Variants in GREM2 observed in about 807,000 individuals in gnomAD.
The protein encoded by GREM2 is gremlin 2, DAN family BMP antagonist, also known as gremlin-2.
Under a neutral mutation model 14.2 loss-of-function variants are expected in GREM2, and 11 were observed. The ratio of observed to expected loss-of-function variants is 0.78; its 90% CI spans 0.49 to 1.28. The LOEUF is 1.28. Among genes scored for constraint, GREM2 ranks in the 50% most tolerant of loss-of-function variants. The probability of loss-of-function intolerance (pLI) is 0.00; values close to 1 mark genes in which losing one functional copy is unlikely to be tolerated. For missense variants in GREM2, 210 were observed against 218.5 expected, an observed-to-expected ratio of 0.96 and a Z score of 0.24; for synonymous variants, 98 against 97.6, an observed-to-expected ratio of 1.00 and a Z score of -0.02.
chr1:240,519,011 T>G (rs1003619344), intron 1 of GREM2, among the ~76,000 whole-genome samples: 2 of 152,150 alleles, frequency 1.3e-5, no homozygotes, highest in African/African-American at 4.8e-5. Context: ...ACTGATTCAT[T>G]ACACACACAC....
chr1:240,514,502 CT>C (rs1456443621), intron 1 of GREM2, among the ~76,000 whole-genome samples: 1 of 152,034 alleles, frequency 6.6e-6, no homozygotes, highest in Non-Finnish European at 1.5e-5. Context: ...AAGAACAATG[CT>C]TAAAGTTAGG....
chr1:240,610,885 C>A (rs1236687902), intron 1 of GREM2, among the ~76,000 whole-genome samples: 1 of 152,166 alleles, frequency 6.6e-6, no homozygotes. Flanking sequence ...CAAAGCAAGA[C>A]CAATTTTTTA....
At chr1:240,605,599 ACT>A (rs1240620806) in intron 1 of GREM2, among the ~76,000 whole-genome samples, 4 of 151,772 alleles carry the variant, frequency 2.6e-5, no homozygotes, top group Non-Finnish European at 5.9e-5. Flanking sequence ...CCCCTTAAAA[ACT>A]CTCCTGCATC....
chr1:240,493,277 A>G lies in GREM2; in HGVS notation c.199T>C (p.Tyr67His), dbSNP rs1274483329. The part of the protein sequence containing the change: ...QEALVVTERK[Y>H]LKSDWCKTQP... ...GTCTTGCACCAGTCACTCTTGAGGT[A>G]CTTGCGCTCGGTGACCACCAGGGCC... The change falls in exon 2 of 2, where the codon TAC becomes CAC. Residue 67 changes from tyrosine (Y) to histidine (H), a missense_variant. Coordinates refer to ENST00000318160, the MANE Select transcript of GREM2 (RefSeq NM_022469.4). 6.2e-7 allele frequency: 1 copy of G among 1,613,922 alleles called. No homozygotes were observed.
rs1678361543 is a variant in GREM2 at position 240,531,627 on chromosome 1, C to T, written c.-1-38151G>A. ...GTTATGTGGCGAGGCCACTGCTCTGCCCATTACCTGCAAGGCGTCTGCCTG... is the reference window on the plus strand; with the variant it reads ...GTTATGTGGCGAGGCCACTGCTCTGTCCATTACCTGCAAGGCGTCTGCCTG... On this transcript the variant is annotated intron_variant, in intron 1 of 1. Coordinates refer to ENST00000318160, the MANE Select transcript of GREM2 (RefSeq NM_022469.4). 3 of 984,888 alleles carry T rather than the reference C, an allele frequency of 3.0e-6. No homozygotes were observed. The South Asian group carries it at 1.4e-4, about 46-fold the overall frequency. The allele number at this position is 984,888 out of a possible 1,614,324, so 61.0% of individuals were successfully genotyped here.
At chr1:240,545,361 C>T (rs190579823) in intron 1 of GREM2, among the ~76,000 whole-genome samples, 3 of 152,342 alleles carry the variant, frequency 2.0e-5, no homozygotes, top group East Asian at 1.9e-4. Context: ...CACGCCTCTT[C>T]GTGCGTGCCT....
intron 1 of GREM2, among the ~76,000 whole-genome samples, chr1:240,514,833 G>A (rs910948130): frequency 3.9e-5 from 6 of 152,106 alleles, no homozygotes; most frequent in East Asian, 1.9e-4. Context: ...CCAAGAGATC[G>A]AGGCTGCAAT....
At chr1:240,599,285 A>G (rs1219570838) in intron 1 of GREM2, among the ~76,000 whole-genome samples, 1 of 148,978 alleles carries the variant, frequency 6.7e-6, no homozygotes, top group African/African-American at 2.5e-5. Context: ...AAAAAAAAAT[A>G]CAACAACAGT....
chr1:240,545,222 C>T (rs1046534454), intron 1 of GREM2, among the ~76,000 whole-genome samples: 2 of 152,294 alleles, frequency 1.3e-5, no homozygotes, highest in East Asian at 1.9e-4. Flanking sequence ...CAATAACCAG[C>T]GACTTAATCA....
At chr1:240,579,554 C>T (rs1429830696) in intron 1 of GREM2, among the ~76,000 whole-genome samples, 2 of 152,144 alleles carry the variant, frequency 1.3e-5, no homozygotes, top group Non-Finnish European at 1.5e-5. Flanking sequence ...ATGTGCAATA[C>T]GCTGTGATAG....
chr1:240,600,743 C>T (rs1462072626), intron 1 of GREM2, among the ~76,000 whole-genome samples: 1 of 152,112 alleles, frequency 6.6e-6, no homozygotes, highest in African/African-American at 2.4e-5. Context: ...CTCGGCCTCC[C>T]AAAATGCTGG....
rs527331928 is a variant in GREM2 at position 240,578,724 on chromosome 1, C to T, written c.-2+33160G>A. Reference sequence around the variant, plus strand: ...ACTTGAACCTGGGAGGCGGAGGCTGCAGTGAGCCAAGATCACGCCACTGTA... The same window carrying T: ...ACTTGAACCTGGGAGGCGGAGGCTGTAGTGAGCCAAGATCACGCCACTGTA... On this transcript the variant is annotated intron_variant, in intron 1 of 1. Coordinates refer to ENST00000318160, the MANE Select transcript of GREM2 (RefSeq NM_022469.4). Among the ~76,000 whole-genome samples, 6 of 151,812 alleles carry T rather than the reference C, an allele frequency of 4.0e-5. No homozygotes were observed. The South Asian group carries it at 6.2e-4, about 16-fold the overall frequency.
At chr1:240,608,837 A>T (rs1680080036) in intron 1 of GREM2, among the ~76,000 whole-genome samples, 1 of 151,948 alleles carries the variant, frequency 6.6e-6, no homozygotes. Context: ...TTCAAGTTGG[A>T]GGGAGATTTT....
At position 240,493,345 on chromosome 1, in the gene GREM2, C is replaced by G. The variant is rs1677312667; in HGVS notation, c.131G>C (p.Arg44Thr). 1.2e-6 allele frequency: 2 copies of G among 1,614,086 alleles called. No individual in the cohort carries two copies. Among genetic ancestry groups the G allele is most frequent in the Non-Finnish European group, 1.7e-6 (2 of 1,180,032 alleles). ...YKDGSSNNSE[R>T]WQHQIKEVLA... ...CACCTCCTTGATCTGGTGCTGCCAT[C>G]TCTCCGAGTTGTTGCTGCTGCCGTC... Residue 44 changes from arginine (R) to threonine (T), a missense_variant, in exon 2 of 2, where the codon AGA becomes ACA. Physicochemically the swap from Arg to Thr is moderately conservative, Grantham distance 71 (BLOSUM62 -1). Transcript: ENST00000318160.
chr1:240,529,658 T>C (rs1477576444), intron 1 of GREM2, among the ~76,000 whole-genome samples: 1 of 152,102 alleles, frequency 6.6e-6, no homozygotes, highest in African/African-American at 2.4e-5. Flanking sequence ...TATCAGAAAG[T>C]CCTATAAATA....
intron 1 of GREM2, among the ~76,000 whole-genome samples, chr1:240,518,816 C>G (rs752395949): frequency 3.3e-5 from 5 of 152,198 alleles, no homozygotes; most frequent in Non-Finnish European, 7.3e-5. Context: ...TGCTACCAAA[C>G]ATCACTAATG....
At chr1:240,570,298 C>T (rs1022816455) in intron 1 of GREM2, among the ~76,000 whole-genome samples, 2 of 152,032 alleles carry the variant, frequency 1.3e-5, no homozygotes, top group Non-Finnish European at 2.9e-5. Context: ...CCTGTCTCCA[C>T]TAAAAATTCA....
At chr1:240,562,088 GCTT>G (rs1296190275) in intron 1 of GREM2, among the ~76,000 whole-genome samples, 1 of 152,098 alleles carries the variant, frequency 6.6e-6, no homozygotes, top group Non-Finnish European at 1.5e-5. Context: ...AAAATACCAT[GCTT>G]CTTCTGGCTA....
At position 240,562,918 on chromosome 1, in the gene GREM2, GTGTA is replaced by G. The variant is rs1679083729; in HGVS notation, c.-2+48962_-2+48965del. On this transcript the variant is annotated intron_variant, in intron 1 of 1. Coordinates refer to ENST00000318160, the MANE Select transcript of GREM2 (RefSeq NM_022469.4). ...TGTATGTGTGTATGTATGTCTGTGA[GTGTA>G]TGTGTATGTGTGTGAGTGTGTGAGT... Among the ~76,000 whole-genome samples, 9 of 149,258 alleles carry G rather than the reference GTGTA, an allele frequency of 6.0e-5. 1 individual carries two copies. The highest frequency in any genetic ancestry group is 6.0e-4 in the Admixed American group (9 of 15,018).
Sources: gnomAD v4.1 joint callset for allele counts (sites outside exome capture counted in the v4.1 genomes callset) on GRCh38, gnomAD v4.1.1 for gene constraint, MANE v1.5 for transcripts, NCBI Gene and HGNC (gene_info 2026-07-23, HGNC 2026-07-21) for gene names.